Variants in POF1B observed in about 807,000 individuals in gnomAD.
POF1B encodes the protein protein POF1B.
POF1B carries 53 observed loss-of-function variants against 55.3 expected under a neutral mutation model. That is an observed-to-expected ratio of 0.96 (90% CI 0.77 to 1.20). The LOEUF (loss-of-function observed/expected upper bound fraction) is 1.20. Among genes scored for constraint, POF1B ranks in the 50% most tolerant of loss-of-function variants. The pLI, the probability that POF1B is intolerant of heterozygous loss-of-function variation, is 0.00. For synonymous variants in POF1B, 188 were observed against 148.3 expected (o/e 1.27, Z -1.95); for missense variants, 478 against 420.5 (o/e 1.14, Z -1.20).
chrX:85,319,196 G>C (rs760181864), intron 7 of POF1B, among the ~76,000 whole-genome samples: 2 of 111,242 alleles, frequency 1.8e-5, no homozygotes, highest in African/African-American at 6.5e-5. Context: ...TCGAAATGTA[G>C]CTGATTTTTG....
intron 2 of POF1B, among the ~76,000 whole-genome samples, chrX:85,378,143 G>A (rs1163068579): frequency 1.8e-5 from 2 of 111,110 alleles, no homozygotes; most frequent in East Asian, 5.7e-4. Context: ...AGTATAAGTG[G>A]AGTTTTTCTC....
intron 15 of POF1B, among the ~76,000 whole-genome samples, chrX:85,288,844 AACCT>A (rs1932116715): frequency 8.9e-6 from 1 of 111,827 alleles, no homozygotes; most frequent in African/African-American, 3.3e-5. Flanking sequence ...AGTTCAATTA[AACCT>A]CTTTTTGTTC....
chrX:85,322,604 T>A (rs962200296), intron 7 of POF1B, among the ~76,000 whole-genome samples: 9 of 111,507 alleles, frequency 8.1e-5, no homozygotes, highest in African/African-American at 2.9e-4. Context: ...GGGATCTAAT[T>A]AAACTAAAGA....
At chrX:85,285,213 C>T (rs771824338) in intron 15 of POF1B, among the ~76,000 whole-genome samples, 1 of 111,697 alleles carries the variant, frequency 9.0e-6, no homozygotes, top group South Asian at 3.8e-4. Context: ...GGACTGTAAA[C>T]TAGTTCAGCC....
chrX:85,372,299 G>A (rs1235960433), intron 2 of POF1B, among the ~76,000 whole-genome samples: 2 of 104,573 alleles, frequency 1.9e-5, no homozygotes, highest in African/African-American at 7.2e-5. Flanking sequence ...AGCCGAGATC[G>A]TGCCACTGTG....
At chrX:85,332,176 A>C (rs767076676) in intron 6 of POF1B, among the ~76,000 whole-genome samples, 1 of 111,774 alleles carries the variant, frequency 8.9e-6, no homozygotes, top group Non-Finnish European at 1.9e-5. Flanking sequence ...CTGATTTGTT[A>C]GTATATCTTA....
At chrX:85,368,468 A>G (rs1171709600) in intron 2 of POF1B, among the ~76,000 whole-genome samples, 1 of 111,273 alleles carries the variant, frequency 9.0e-6, no homozygotes, top group African/African-American at 3.3e-5. Context: ...ATAAGAAACT[A>G]CCTTTGAAAA....
chrX:85,293,695 C>A (rs1250823694), intron 15 of POF1B, among the ~76,000 whole-genome samples: 1 of 111,851 alleles, frequency 8.9e-6, no homozygotes, highest in African/African-American at 3.2e-5. Context: ...AAAAACAGGC[C>A]GGGCATGGTG....
intron 6 of POF1B, among the ~76,000 whole-genome samples, chrX:85,332,933 A>T (rs1181562572): frequency 9.0e-6 from 1 of 111,375 alleles, no homozygotes; most frequent in Non-Finnish European, 1.9e-5. Flanking sequence ...TAAAGTCAAT[A>T]TCATCACATA....
At chrX:85,315,513 T>A (rs1932779818) in intron 8 of POF1B, among the ~76,000 whole-genome samples, 194 bp downstream of exon 8, 1 of 111,281 alleles carries the variant, frequency 9.0e-6, no homozygotes, top group African/African-American at 3.3e-5. Flanking sequence ...TTTTTGTGAA[T>A]AATTACTAGT....
intron 6 of POF1B, among the ~76,000 whole-genome samples, chrX:85,339,864 T>C (rs1184599073): frequency 9.0e-6 from 1 of 111,256 alleles, no homozygotes; most frequent in Admixed American, 9.5e-5. Context: ...AAGTGGAGCA[T>C]TGAAGGAATT....
chrX:85,311,910 C>T (rs2147909479), intron 9 of POF1B, among the ~76,000 whole-genome samples: 1 of 112,289 alleles, frequency 8.9e-6, no homozygotes, highest in South Asian at 3.7e-4. Context: ...TTTTGATTTG[C>T]ATTTCTCTAA....
At position 85,379,430 on chromosome X, in the gene POF1B, TCTCA is replaced by T. The variant is rs1399236961; in HGVS notation, c.21_24del (p.Ser7ArgfsTer40). On this transcript the variant is annotated frameshift_variant, in exon 2 of 17. Coordinates refer to ENST00000262753, the MANE Select transcript of POF1B (RefSeq NM_024921.4). LOFTEE classifies it high-confidence loss of function. ...TGGGTTCCACAGCTGCTGCTGCTCG[TCTCA>T]CTCCAATAGCTCGAGCTCATCTTCT... 8.3e-7 allele frequency: 1 copy of T among 1,206,834 alleles called. No individual in the cohort carries two copies. Among genetic ancestry groups the T allele is most frequent in the African/African-American group, 1.8e-5 (1 of 56,701 alleles).
chrX:85,309,093 C>T lies in POF1B; in HGVS notation c.958-877G>A, dbSNP rs144510717. Among the ~76,000 whole-genome samples, 871 of 111,445 alleles carry T rather than the reference C, an allele frequency of 7.8e-3. 11 individuals are homozygous for T. The highest frequency in any genetic ancestry group is 0.027 in the African/African-American group (824 of 30,704). ...CTTCTGGGAAGATGGAGTAAAAATA[C>T]TTTCCACAACCAATCAGACGTTGTT... On this transcript the variant is annotated intron_variant, in intron 9 of 16. Coordinates refer to ENST00000262753, the MANE Select transcript of POF1B (RefSeq NM_024921.4).
At chrX:85,325,966 C>T (rs1932892326) in intron 7 of POF1B, among the ~76,000 whole-genome samples, 1 of 111,271 alleles carries the variant, frequency 9.0e-6, no homozygotes, top group South Asian at 3.8e-4. Context: ...CTAAGGACTC[C>T]TGAAGTGCAT....
chrX:85,365,571 A>C (rs755212960), intron 3 of POF1B, among the ~76,000 whole-genome samples: 2 of 111,390 alleles, frequency 1.8e-5, no homozygotes, highest in Non-Finnish European at 1.9e-5. Context: ...TGGCGCTTAG[A>C]CATAGTGGTC....
intron 5 of POF1B, among the ~76,000 whole-genome samples, chrX:85,350,593 C>T (rs1933362327): frequency 9.0e-6 from 1 of 111,186 alleles, no homozygotes; most frequent in South Asian, 3.8e-4. Flanking sequence ...TTCTAGATCC[C>T]TGAGGAATCA....
At chrX:85,301,215 A>T (rs6623262) in intron 15 of POF1B, among the ~76,000 whole-genome samples, 23,813 of 110,728 alleles carry the variant, frequency 0.22, 2,461 homozygotes, top group African/African-American at 0.4. Context: ...ATAATCAAAC[A>T]GTCAAGGGCC....
intron 6 of POF1B, among the ~76,000 whole-genome samples, chrX:85,342,565 A>G (rs1255408149): frequency 9.0e-6 from 1 of 111,476 alleles, no homozygotes; most frequent in African/African-American, 3.3e-5. Context: ...GAGATGTAGA[A>G]ACTGAGGTTC....
Sources: allele counts gnomAD v4.1 joint callset (sites outside exome capture counted in the v4.1 genomes callset), GRCh38; gene constraint gnomAD v4.1.1; transcripts MANE v1.5; gene names NCBI Gene and HGNC (gene_info 2026-07-23, HGNC 2026-07-21).